The following FEZ1 variants were observed in gnomAD, a reference collection of about 807,000 sequenced individuals.
FEZ1 encodes fasciculation and elongation protein zeta 1.
Under a neutral mutation model 49.3 loss-of-function variants are expected in FEZ1, and 20 were observed. The observed-to-expected ratio is 0.41, with a 90% CI of 0.29 to 0.59. FEZ1 has a LOEUF of 0.59. Among genes scored for constraint, FEZ1 ranks in the 20% least tolerant of loss-of-function variants. The pLI, the probability that FEZ1 is intolerant of heterozygous loss-of-function variation, is 0.36. For missense variants in FEZ1, 413 were observed against 476.0 expected (o/e 0.87, Z 1.23); for synonymous variants, 170 against 180.9 (o/e 0.94, Z 0.48).
chr11:125,494,822 G>C (rs1250626275), intron 1 of FEZ1, among the ~76,000 whole-genome samples: 2 of 152,148 alleles, frequency 1.3e-5, no homozygotes, highest in East Asian at 3.9e-4. Context: ...TCCCTGCTTT[G>C]CTGAGCTGAC....
At chr11:125,480,564 C>A (rs1353586760) in intron 3 of FEZ1, among the ~76,000 whole-genome samples, 3 of 152,192 alleles carry the variant, frequency 2.0e-5, no homozygotes, top group Non-Finnish European at 4.4e-5. Context: ...ATTATTTGAA[C>A]CCAAGAGAAG....
Position 125,445,690 on chromosome 11 carries a change from C to G in FEZ1, c.*405G>C. 3.0e-6 allele frequency: 1 copy of G among 335,228 alleles called. No individual in the cohort carries two copies. Among genetic ancestry groups the G allele is most frequent in the Non-Finnish European group, 5.9e-6 (1 of 170,096 alleles). The allele number at this position is 335,228 out of a possible 1,614,324, so 20.8% of individuals were successfully genotyped here. A position where few individuals can be genotyped will look rare whatever the true frequency, so the allele number is the denominator to read the frequency against. ...CGGCGTGCAAAGAATGCTATACAGC[C>G]CGTCTCTGGAGTCTGGAGCAGAGGG... On this transcript the variant is annotated 3_prime_UTR_variant, in exon 10 of 10. Coordinates refer to ENST00000278919, the MANE Select transcript of FEZ1 (RefSeq NM_005103.5). The surrounding 1 kb of genome is among the most constrained non-coding windows in gnomAD (Gnocchi z 4.4).
At chr11:125,486,830 A>G (rs537194585) in intron 2 of FEZ1, among the ~76,000 whole-genome samples, 4 of 152,370 alleles carry the variant, frequency 2.6e-5, no homozygotes, top group Admixed American at 2.0e-4. Flanking sequence ...TTACTTAGCC[A>G]TAATTTCACA....
chr11:125,461,865 T>C (rs1957078410), intron 4 of FEZ1, among the ~76,000 whole-genome samples: 2 of 152,220 alleles, frequency 1.3e-5, no homozygotes, highest in African/African-American at 4.8e-5. Context: ...CCAAACCTTT[T>C]CACCTCTACT....
At chr11:125,481,688 G>C in intron 2 of FEZ1, 55 bp from the exon 3 acceptor site, 1 of 1,201,238 alleles carries the variant, frequency 8.3e-7, no homozygotes, top group Admixed American at 1.7e-5. Flanking sequence ...GCCCCGCCTG[G>C]AGGAAGGAAG....
chr11:125,451,935 C>A (rs1226531160), intron 8 of FEZ1, among the ~76,000 whole-genome samples: 3 of 152,202 alleles, frequency 2.0e-5, no homozygotes, highest in African/African-American at 7.2e-5. Flanking sequence ...AGAGACCAGG[C>A]GCCCTGCTTC....
At chr11:125,480,328 G>T (rs1270288630) in intron 3 of FEZ1, among the ~76,000 whole-genome samples, 1 of 152,050 alleles carries the variant, frequency 6.6e-6, no homozygotes, top group Non-Finnish European at 1.5e-5. Context: ...CAAGGCTGTA[G>T]TGAGCCGAGA....
chr11:125,485,139 A>T (rs555513390), intron 2 of FEZ1, among the ~76,000 whole-genome samples: 3 of 152,306 alleles, frequency 2.0e-5, no homozygotes, highest in Non-Finnish European at 2.9e-5. Context: ...CTAAGATTAA[A>T]CAGGTTGCCT....
At chr11:125,476,229 C>A (rs1358135713) in intron 3 of FEZ1, among the ~76,000 whole-genome samples, 1 of 152,136 alleles carries the variant, frequency 6.6e-6, no homozygotes, top group African/African-American at 2.4e-5. Flanking sequence ...TCAAAATTTA[C>A]CGCATTGCTC....
At position 125,454,124 on chromosome 11, in the gene FEZ1, G is replaced by C. The variant is rs536318620; in HGVS notation, c.1020+6C>G. The C allele has an allele frequency of 5.6e-6, 9 of 1,609,156 alleles. No homozygotes were observed. The East Asian group carries it at 1.8e-4, about 32-fold the overall frequency. On this transcript the variant is annotated splice_donor_region_variant and intron_variant, in intron 7 of 9. Transcript: ENST00000278919. ...AGAGAGCTTGGAGCAGGGAGACTAC[G>C]CGTACCTGTTTGTCAGTTCCTGAGG... is the stretch of plus-strand genomic sequence containing the variant.
chr11:125,494,717 G>A (rs985035913), intron 1 of FEZ1, among the ~76,000 whole-genome samples: 3 of 152,102 alleles, frequency 2.0e-5, no homozygotes, highest in Admixed American at 6.5e-5. Context: ...GACACTCACG[G>A]GGCTTAACAG....
rs575618644 is a variant in FEZ1 at position 125,470,891 on chromosome 11, CTT to C, written c.412-7323_412-7322del. 4.3e-3 allele frequency among the ~76,000 whole-genome samples: 647 copies of C among 152,084 alleles called. 3 individuals are homozygous for C. Among genetic ancestry groups the C allele is most frequent in the South Asian group, 0.011 (52 of 4,812 alleles). ...TAACTGTCTAAAGCAAAAATAATAA[CTT>C]TGTGTTGTGGAGTATATAATGTAGA... On this transcript the variant is annotated intron_variant, in intron 3 of 9. Transcript: ENST00000278919.
chr11:125,488,208 C>G (rs150702785), intron 2 of FEZ1, among the ~76,000 whole-genome samples: 1,776 of 152,310 alleles, frequency 0.012, 31 homozygotes, highest in African/African-American at 0.031. Flanking sequence ...ACCACATTCA[C>G]ATAATTTTTA....
chr11:125,484,240 T>C (rs569662132), intron 2 of FEZ1, among the ~76,000 whole-genome samples: 139 of 152,204 alleles, frequency 9.1e-4, no homozygotes, highest in Non-Finnish European at 2.2e-4. Context: ...ATGGATTAAT[T>C]CATTCATTCT....
intron 1 of FEZ1, among the ~76,000 whole-genome samples, chr11:125,493,461 AGAAGGAAAGAAGGAAAGAAG>A (rs1565307096): frequency 1.2e-4 from 8 of 69,010 alleles, no homozygotes; most frequent in South Asian, 9.6e-4. Context: ...AAAGAAGGAA[AGAAGGAAAGAAGGAAAGAAG>A]GAAAGAAGGA....
chr11:125,493,995 G>T (rs1957432174), intron 1 of FEZ1, among the ~76,000 whole-genome samples: 1 of 152,178 alleles, frequency 6.6e-6, no homozygotes, highest in African/African-American at 2.4e-5. Context: ...AGAGAAAATG[G>T]ATTCATCTAG....
intron 4 of FEZ1, 28 bp downstream of exon 4, chr11:125,463,456 T>C: frequency 7.3e-7 from 1 of 1,360,952 alleles, no homozygotes; most frequent in Non-Finnish European, 1.0e-6. Flanking sequence ...GAACAAAAGG[T>C]CCCGATAACC....
intron 1 of FEZ1, among the ~76,000 whole-genome samples, chr11:125,492,013 A>G (rs1957387702): frequency 6.6e-6 from 1 of 152,280 alleles, no homozygotes; most frequent in Non-Finnish European, 1.5e-5. Context: ...TTAATAAATC[A>G]ATAATTTAAT....
At chr11:125,456,185 A>C in intron 5 of FEZ1, 79 bp from the exon 6 acceptor site, 4 of 1,346,736 alleles carry the variant, frequency 3.0e-6, no homozygotes, top group Non-Finnish European at 4.0e-6. Flanking sequence ...GGCCACCACC[A>C]ATCAAGATGG....
Sources: gnomAD v4.1 joint callset for allele counts (sites outside exome capture counted in the v4.1 genomes callset) on GRCh38, gnomAD v4.1.1 for gene constraint, Gnocchi (gnomAD v3.1) non-coding constraint, MANE v1.5 for transcripts, NCBI Gene and HGNC (gene_info 2026-07-23, HGNC 2026-07-21) for gene names.